Variants in PARD3B observed in about 807,000 individuals in gnomAD.
PARD3B encodes the protein par-3 family cell polarity regulator beta.
In PARD3B, 103 loss-of-function variants were observed where a neutral mutation model predicts 130.2. That is an observed-to-expected ratio of 0.79 (90% CI 0.67 to 0.93). The LOEUF is 0.93. Among genes scored for constraint, PARD3B ranks in the 40% least tolerant of loss-of-function variants. PARD3B has a pLI of 0.00. For missense variants in PARD3B, 1,609 were observed against 1,499.2 expected (o/e 1.07, Z -1.21); for synonymous variants, 583 against 553.2 (o/e 1.05, Z -0.76).
In PARD3B at chr2:205,592,642, A is replaced by G. The variant is rs2054428261; in HGVS notation, c.3261-22814A>G. On this transcript the variant is annotated intron_variant, in intron 22 of 22. Coordinates refer to ENST00000406610, the MANE Select transcript of PARD3B (RefSeq NM_001302769.2). The surrounding 1 kb of genome is among the most constrained non-coding windows in gnomAD (Gnocchi z 4.5). ...GCCTGCGTTATATTTAAGGTTTTTC[A>G]TGATCTTATATATCTTACCATATAA... 6.6e-6 allele frequency among the ~76,000 whole-genome samples: 1 copy of G among 152,244 alleles called. No homozygotes were observed. The highest frequency in any genetic ancestry group is 2.4e-5 in the African/African-American group (1 of 41,474).
intron 2 of PARD3B, among the ~76,000 whole-genome samples, chr2:204,796,487 C>T (rs1277425003): frequency 1.3e-5 from 2 of 152,306 alleles, no homozygotes; most frequent in Non-Finnish European, 1.5e-5. Context: ...GTTTCAAAGC[C>T]TAACAAGCTC....
At chr2:204,576,480 T>C (rs1254670758) in intron 1 of PARD3B, among the ~76,000 whole-genome samples, 1 of 152,206 alleles carries the variant, frequency 6.6e-6, no homozygotes, top group Non-Finnish European at 1.5e-5. Context: ...ATGATAACTC[T>C]TCTATCTGGT....
chr2:204,857,047 A>AC (rs1271150218), intron 2 of PARD3B, among the ~76,000 whole-genome samples: 2 of 151,532 alleles, frequency 1.3e-5, no homozygotes, highest in East Asian at 1.9e-4. Context: ...TCCATATTTG[A>AC]CCCCCACTCC....
chr2:205,207,322 G>A (rs1402852038), intron 15 of PARD3B, among the ~76,000 whole-genome samples: 1 of 139,928 alleles, frequency 7.1e-6, no homozygotes, highest in Non-Finnish European at 1.5e-5. Flanking sequence ...AAAAGCAAGA[G>A]CAAACACATT....
intron 16 of PARD3B, among the ~76,000 whole-genome samples, chr2:205,297,351 T>A (rs1574627670): frequency 6.6e-6 from 1 of 152,076 alleles, no homozygotes; most frequent in East Asian, 1.9e-4. Context: ...GCTGTAAAAT[T>A]TTCTACGCAC....
Position 205,504,537 on chromosome 2 carries a change from A to T in PARD3B, c.3180+4506A>T, listed in dbSNP as rs542175633. On this transcript the variant is annotated intron_variant, in intron 21 of 22. Transcript: ENST00000406610. ...TCCAGAATCTACAATGAACTCCAAC[A>T]CATTTACAAGAAAAAAACAACCCCA... 1.6e-4 allele frequency among the ~76,000 whole-genome samples: 25 copies of T among 152,346 alleles called. No individual in the cohort carries two copies. The South Asian group carries it at 5.2e-3, about 32-fold the overall frequency.
chr2:205,453,081 A>G (rs1222365513), intron 20 of PARD3B, among the ~76,000 whole-genome samples: 1 of 152,194 alleles, frequency 6.6e-6, no homozygotes, highest in Non-Finnish European at 1.5e-5. Context: ...AAAATAACAC[A>G]AAGAGAATGG....
At chr2:205,293,686 G>T (rs925385885) in intron 16 of PARD3B, 1 of 152,180 alleles carries the variant, frequency 6.6e-6, no homozygotes, top group Non-Finnish European at 1.5e-5. Flanking sequence ...AGAACCTAAG[G>T]GTTGTATTAA....
At chr2:205,103,162 ATATTT>A (rs1396099373) in intron 4 of PARD3B, among the ~76,000 whole-genome samples, 9 of 57,106 alleles carry the variant, frequency 1.6e-4, no homozygotes, top group Admixed American at 2.2e-4. Flanking sequence ...TAAAATAAAC[ATATTT>A]TATATTTATG....
intron 16 of PARD3B, among the ~76,000 whole-genome samples, chr2:205,262,270 G>A (rs1012668889): frequency 6.6e-6 from 1 of 152,080 alleles, no homozygotes; most frequent in African/African-American, 2.4e-5. Context: ...TATTTCTCTA[G>A]GATACTACCT....
Position 204,771,530 on chromosome 2 carries a change from A to G in PARD3B, c.222+85248A>G, listed in dbSNP as rs118070692. On this transcript the variant is annotated intron_variant, in intron 2 of 22. Coordinates refer to ENST00000406610, the MANE Select transcript of PARD3B (RefSeq NM_001302769.2). ...ACACTAAGGAGTACTAGGGCAGGGA[A>G]GGAGGGGGGCAAGGGTTGAAAAACT... Among the ~76,000 whole-genome samples the G allele has an allele frequency of 8.2e-4, 125 of 152,176 alleles. 2 individuals are homozygous for G. In the East Asian group the frequency reaches 0.024, roughly 29 times the overall value.
At chr2:205,398,162 TTGG>T (rs1342893060) in intron 18 of PARD3B, among the ~76,000 whole-genome samples, 1 of 151,898 alleles carries the variant, frequency 6.6e-6, no homozygotes, top group Non-Finnish European at 1.5e-5. Flanking sequence ...TTAGCCAGGC[TTGG>T]TGGTGGGCAC....
At chr2:204,650,206 C>T (rs1186275484) in intron 1 of PARD3B, among the ~76,000 whole-genome samples, 1 of 152,084 alleles carries the variant, frequency 6.6e-6, no homozygotes, top group East Asian at 1.9e-4. Flanking sequence ...TGAGATACCA[C>T]CTCAAACCCA....
At chr2:204,961,356 A>T (rs537517964) in intron 2 of PARD3B, among the ~76,000 whole-genome samples, 1 of 152,108 alleles carries the variant, frequency 6.6e-6, no homozygotes, top group Non-Finnish European at 1.5e-5. Flanking sequence ...AATAGAGTGT[A>T]TGGGAGACAG....
chr2:204,972,984 C>T (rs1691837318), intron 3 of PARD3B, among the ~76,000 whole-genome samples: 1 of 152,266 alleles, frequency 6.6e-6, no homozygotes, highest in Admixed American at 6.5e-5. Flanking sequence ...TTGTAGTTCC[C>T]CTGACCACTG....
At chr2:204,550,093 G>A (rs925026666) in intron 1 of PARD3B, among the ~76,000 whole-genome samples, 1 of 152,160 alleles carries the variant, frequency 6.6e-6, no homozygotes, top group Non-Finnish European at 1.5e-5. Flanking sequence ...TTGTCCCTTA[G>A]TATCCATAGG....
chr2:205,422,493 A>T (rs1379158523), intron 19 of PARD3B, among the ~76,000 whole-genome samples: 1 of 152,178 alleles, frequency 6.6e-6, no homozygotes, highest in East Asian at 1.9e-4. Flanking sequence ...CCTCCCTCTT[A>T]AAAAGTATGT....
intron 16 of PARD3B, among the ~76,000 whole-genome samples, chr2:205,252,549 C>T (rs72940337): frequency 0.055 from 8,293 of 152,050 alleles, 339 homozygotes; most frequent in East Asian, 0.21. Context: ...ACTGGCGATA[C>T]AGAAAAGGTC....
rs1293246080 is a variant in PARD3B at position 205,584,150 on chromosome 2, C to T, written c.3260+30747C>T. 1.3e-5 allele frequency among the ~76,000 whole-genome samples: 2 copies of T among 151,780 alleles called. No homozygotes were observed. The highest frequency in any genetic ancestry group is 2.9e-5 in the Non-Finnish European group (2 of 67,940). ...TAGATCTGCACTCCAATATGGTAGC[C>T]GCAACAACATGGGGCTATCAGACAT... On this transcript the variant is annotated intron_variant, in intron 22 of 22. Transcript: ENST00000406610. The surrounding 1 kb of genome is among the most constrained non-coding windows in gnomAD (Gnocchi z 5.5).
Sources: allele counts gnomAD v4.1 joint callset (sites outside exome capture counted in the v4.1 genomes callset), GRCh38; gene constraint gnomAD v4.1.1; non-coding constraint Gnocchi (gnomAD v3.1); transcripts MANE v1.5; gene names NCBI Gene and HGNC (gene_info 2026-07-23, HGNC 2026-07-21).